The following CYP3A43 variants were observed in gnomAD, a reference collection of about 807,000 sequenced individuals.
CYP3A43 encodes cytochrome P450 family 3 subfamily A member 43.
In CYP3A43, 45 loss-of-function variants were observed where a neutral mutation model predicts 58.0. That is an observed-to-expected ratio of 0.78 (90% CI 0.61 to 0.99). The LOEUF (loss-of-function observed/expected upper bound fraction) is 0.99. Among genes scored for constraint, CYP3A43 ranks in the 50% least tolerant of loss-of-function variants. The pLI, the probability that CYP3A43 is intolerant of heterozygous loss-of-function variation, is 0.00. For synonymous variants in CYP3A43, 191 were observed against 201.4 expected, an observed-to-expected ratio of 0.95 and a Z score of 0.44; for missense variants, 593 against 591.9, an observed-to-expected ratio of 1.00 and a Z score of -0.02.
At chr7:99,858,146 T>C (rs1045831637) in intron 9 of CYP3A43, among the ~76,000 whole-genome samples, 6 of 152,102 alleles carry the variant, frequency 3.9e-5, no homozygotes, top group Non-Finnish European at 8.8e-5. Context: ...CACCTGTGGC[T>C]AGTGCCTACC....
intron 3 of CYP3A43, among the ~76,000 whole-genome samples, chr7:99,841,794 C>T (rs1017184071): frequency 1.3e-5 from 2 of 152,124 alleles, no homozygotes; most frequent in African/African-American, 4.8e-5. Context: ...TCCCAGTGAT[C>T]CTGCCACCTC....
intron 2 of CYP3A43, 54 bp from the exon 3 acceptor site, chr7:99,839,066 A>G (rs1817214509): frequency 6.2e-7 from 1 of 1,606,060 alleles, no homozygotes; most frequent in East Asian, 2.2e-5. Context: ...GGTTAAATGT[A>G]GCGTTCAGTA....
chr7:99,829,179 A>G (rs585071), intron 1 of CYP3A43, among the ~76,000 whole-genome samples: 36,629 of 152,184 alleles, frequency 0.24, 9,857 homozygotes, highest in African/African-American at 0.67. Flanking sequence ...ACCACCCAAG[A>G]GATTCACCTT....
In CYP3A43 at chr7:99,849,615, C is replaced by A; in HGVS notation, c.591C>A (p.Asn197Lys). Residue 197 changes from asparagine (N) to lysine (K), a missense_variant, in exon 7 of 13, where the codon AAC becomes AAA. Transcript: ENST00000354829. ...TLFGVNLDSL[N>K]NPQDPFLKNM... ...TTGGAGTGAACTTGGATTCTCTCAA[C>A]AATCCACAAGATCCCTTTCTGAAAA... 1 of 1,613,376 alleles carries A rather than the reference C, an allele frequency of 6.2e-7. No homozygotes were observed. The highest frequency in any genetic ancestry group is 1.7e-5 in the Admixed American group (1 of 59,854).
At chr7:99,863,419 C>A in intron 11 of CYP3A43, 118 bp from the exon 12 acceptor site, 1 of 701,628 alleles carries the variant, frequency 1.4e-6, no homozygotes, top group Non-Finnish European at 2.1e-6. Flanking sequence ...GTAATCCCAA[C>A]ACTTTGGGAG....
chr7:99,853,776 G>A lies in CYP3A43; in HGVS notation c.671-1815G>A, dbSNP rs991020474. ...TTTTACTGTTGGTCAAGCTGGTCTC[G>A]AATTCCTGACCTCAGGTGATCCACC... is the stretch of plus-strand genomic sequence containing the variant. On this transcript the variant is annotated intron_variant, in intron 7 of 12. Transcript: ENST00000354829. Among the ~76,000 whole-genome samples the A allele has an allele frequency of 1.4e-4, 21 of 152,238 alleles. No individual in the cohort carries two copies. In the East Asian group the frequency reaches 1.9e-3, roughly 14 times the overall value.
chr7:99,862,924 G>A (rs1363285618), intron 11 of CYP3A43, among the ~76,000 whole-genome samples: 1 of 152,170 alleles, frequency 6.6e-6, no homozygotes, highest in Non-Finnish European at 1.5e-5. Context: ...CAAAATCAGA[G>A]ACCACTCATT....
Position 99,844,135 on chromosome 7 carries a change from C to A in CYP3A43, c.219-8C>A. The A allele has an allele frequency of 6.2e-7, 1 of 1,608,820 alleles. No homozygotes were observed. Among genetic ancestry groups the A allele is most frequent in the South Asian group, 1.1e-5 (1 of 89,886 alleles). On this transcript the variant is annotated splice_polypyrimidine_tract_variant and splice_region_variant and intron_variant, in intron 3 of 12. Transcript: ENST00000354829. ...GAGGTTTAGTCAGCTCTGTTTTCCC[C>A]CACACAGGCTGTATGAGGGGCAACA...
chr7:99,858,211 C>G (rs566693441), intron 9 of CYP3A43, among the ~76,000 whole-genome samples: 1 of 152,300 alleles, frequency 6.6e-6, no homozygotes, highest in African/African-American at 2.4e-5. Flanking sequence ...AATTCCATGT[C>G]CTGGGGTTCA....
At chr7:99,848,095 A>G (rs1817606182) in intron 5 of CYP3A43, 71 bp from the exon 6 acceptor site, 2 of 1,466,530 alleles carry the variant, frequency 1.4e-6, no homozygotes. Context: ...TTACTGTTCC[A>G]TGCTGGGCAA....
Position 99,856,646 on chromosome 7 carries a change from C to T in CYP3A43, c.799-187C>T, listed in dbSNP as rs528082796. Among the ~76,000 whole-genome samples, 5 of 152,292 alleles carry T rather than the reference C, an allele frequency of 3.3e-5. No homozygotes were observed. The South Asian group carries it at 8.3e-4, about 25-fold the overall frequency. On this transcript the variant is annotated intron_variant, in intron 8 of 12. Coordinates refer to ENST00000354829, the MANE Select transcript of CYP3A43 (RefSeq NM_057095.3). ...GACAAAAGGATTTCTCTCAAGGAAA[C>T]ATCCTGCTCTCCAAGGTTTTAGATG... is the stretch of plus-strand genomic sequence containing the variant.
intron 6 of CYP3A43, among the ~76,000 whole-genome samples, chr7:99,848,629 G>C (rs2151608394): frequency 6.6e-6 from 1 of 152,286 alleles, no homozygotes; most frequent in South Asian, 2.1e-4. Flanking sequence ...GGCAGTGACT[G>C]GGGCAGGAAA....
chr7:99,829,384 G>A (rs575470617), intron 1 of CYP3A43, among the ~76,000 whole-genome samples: 2 of 152,256 alleles, frequency 1.3e-5, no homozygotes, highest in East Asian at 3.9e-4. Context: ...AGGTGGTCAG[G>A]GTGCAGCTTG....
rs527828976 is a variant in CYP3A43, at chr7:99,844,237, C to A, written c.313C>A (p.Gln105Lys). The change falls in exon 4 of 13, where the codon CAG (glutamine) becomes AAG (lysine). Residue 105 changes from glutamine (Q) to lysine (K), a missense_variant. Gln to Lys is a moderately conservative substitution (Grantham distance 53). Coordinates refer to ENST00000354829, the MANE Select transcript of CYP3A43 (RefSeq NM_057095.3). Reference sequence around the variant, plus strand: ...AGAATGTTACTCTGTCTTCACAAACCAGATGGTAGGCCTATATTTTCAAAT... The same window carrying A: ...AGAATGTTACTCTGTCTTCACAAACAAGATGGTAGGCCTATATTTTCAAAT... ...VKECYSVFTN[Q>K]MPLGPMGFLK... The A allele has an allele frequency of 3.1e-6, 5 of 1,612,866 alleles. No individual in the cohort carries two copies. The highest frequency in any genetic ancestry group is 4.2e-6 in the Non-Finnish European group (5 of 1,179,496).
intron 6 of CYP3A43, 40 bp from the exon 7 acceptor site, chr7:99,849,506 G>A: frequency 6.4e-7 from 1 of 1,567,746 alleles, no homozygotes; most frequent in Non-Finnish European, 8.6e-7. Flanking sequence ...GGAAGGTAAA[G>A]AGGTGCTGGT....
Position 99,848,699 on chromosome 7 carries a change from C to CA in CYP3A43, c.521+449dup, listed in dbSNP as rs200898147. 7.1e-3 allele frequency among the ~76,000 whole-genome samples: 1,087 copies of CA among 152,178 alleles called. 12 individuals are homozygous for CA. Among genetic ancestry groups the CA allele is most frequent in the African/African-American group, 0.025 (1,032 of 41,494 alleles). ...TTCATTATTTTGCTGAGGATACCAC[C>CA]AAAATATGAAATATTAAACCTTCCC... On this transcript the variant is annotated intron_variant, in intron 6 of 12. Coordinates refer to ENST00000354829, the MANE Select transcript of CYP3A43 (RefSeq NM_057095.3).
intron 1 of CYP3A43, among the ~76,000 whole-genome samples, chr7:99,831,390 C>T (rs887931122): frequency 1.3e-5 from 2 of 152,150 alleles, no homozygotes; most frequent in African/African-American, 2.4e-5. Context: ...CAGAAATGTT[C>T]CTGAATTTTG....
chr7:99,848,555 C>G (rs45515501), intron 6 of CYP3A43, among the ~76,000 whole-genome samples: 167 of 152,224 alleles, frequency 1.1e-3, no homozygotes, highest in African/African-American at 3.5e-3. Flanking sequence ...CCTGATTGTA[C>G]TAAAGTTTTG....
At chr7:99,863,503 A>C in intron 11 of CYP3A43, 34 bp from the exon 12 acceptor site, 2 of 1,540,752 alleles carry the variant, frequency 1.3e-6, no homozygotes, top group Non-Finnish European at 1.8e-6. Context: ...TTTATGTTTC[A>C]TTAACTAGTT....
Sources: gnomAD v4.1 joint callset for allele counts (sites outside exome capture counted in the v4.1 genomes callset) on GRCh38, gnomAD v4.1.1 for gene constraint, MANE v1.5 for transcripts, NCBI Gene and HGNC (gene_info 2026-07-23, HGNC 2026-07-21) for gene names.